The following SEL1L3 variants were observed in gnomAD, a reference collection of about 807,000 sequenced individuals.
The protein encoded by SEL1L3 is protein sel-1 homolog 3.
SEL1L3 carries 76 observed loss-of-function variants against 142.8 expected under a neutral mutation model. That is an observed-to-expected ratio of 0.53 (90% CI 0.44 to 0.64). The LOEUF is 0.64. Ranked by LOEUF, SEL1L3 falls within the 30% of genes least tolerant of loss-of-function variation. The pLI, the probability that SEL1L3 is intolerant of heterozygous loss-of-function variation, is 0.00. For missense variants in SEL1L3, 1,262 were observed against 1,381.7 expected (o/e 0.91, Z 1.37); for synonymous variants, 504 against 519.6 (o/e 0.97, Z 0.41).
downstream of SEL1L3, among the ~76,000 whole-genome samples, chr4:25,744,498 C>T (rs1222001986): frequency 2.0e-5 from 3 of 151,894 alleles, no homozygotes; most frequent in Non-Finnish European, 4.4e-5. Context: ...GGATTAGAGG[C>T]GTGCACCACC....
chr4:25,754,081 T>A (rs1245251634), intron 23 of SEL1L3, among the ~76,000 whole-genome samples: 1 of 151,844 alleles, frequency 6.6e-6, no homozygotes, highest in African/African-American at 2.4e-5. Flanking sequence ...GGTGGGTGGA[T>A]CACCTGAGGT....
rs1297792194 is a variant in SEL1L3, at chr4:25,788,568, TCGTGTGTGTGTG to T, written c.2077-216_2077-205del. ...GCCCTTAATGCAAGCCAGAAATGGT[TCGTGTGTGTGTG>T]TGTGTGTGTGTGTGTGTGTGTGTGT... On this transcript the variant is annotated intron_variant, in intron 12 of 23. Transcript: ENST00000399878. This position sits in a 1 kb window ranked among gnomAD's most constrained non-coding sequence, Gnocchi z 5.3. Among the ~76,000 whole-genome samples, 2 of 117,942 alleles carry T rather than the reference TCGTGTGTGTGTG, an allele frequency of 1.7e-5. No homozygotes were observed. The highest frequency in any genetic ancestry group is 6.8e-5 in the African/African-American group (2 of 29,404). The allele number at this position is 117,942 out of a possible 152,430, so 77.4% of individuals were successfully genotyped here. A position where few individuals can be genotyped will look rare whatever the true frequency, so the allele number is the denominator to read the frequency against.
intron 8 of SEL1L3, 30 bp from the exon 9 acceptor site, chr4:25,818,308 C>T (rs1577652719): frequency 6.4e-7 from 1 of 1,569,448 alleles, no homozygotes; most frequent in Admixed American, 1.9e-5. Flanking sequence ...GAAGATATCA[C>T]ACCCTTTAGC....
At chr4:25,818,537 T>C (rs1714547402) in intron 8 of SEL1L3, among the ~76,000 whole-genome samples, 1 of 152,004 alleles carries the variant, frequency 6.6e-6, no homozygotes, top group South Asian at 2.1e-4. Flanking sequence ...CTCTGACCGG[T>C]CCCCAGGAGG....
intron 1 of SEL1L3, among the ~76,000 whole-genome samples, chr4:25,855,233 C>T (rs1717173703): frequency 6.6e-6 from 1 of 152,202 alleles, no homozygotes; most frequent in Admixed American, 6.5e-5. Context: ...CTGTTTCCTG[C>T]CAGGAAAATA....
intron 23 of SEL1L3, among the ~76,000 whole-genome samples, chr4:25,749,962 C>G (rs577666290): frequency 6.6e-6 from 1 of 151,802 alleles, no homozygotes; most frequent in African/African-American, 2.4e-5. Flanking sequence ...GGCCGGGCGC[C>G]GTGGCTCACG....
chr4:25,855,499 T>A (rs1577704032), intron 1 of SEL1L3, among the ~76,000 whole-genome samples: 1 of 152,138 alleles, frequency 6.6e-6, no homozygotes, highest in Non-Finnish European at 1.5e-5. Context: ...CTCATGCCTG[T>A]AATCCCAGCA....
At chr4:25,862,612 C>T (rs868329075) in intron 1 of SEL1L3, 63 bp downstream of exon 1, 7 of 944,106 alleles carry the variant, frequency 7.4e-6, no homozygotes, top group East Asian at 3.7e-5. Context: ...TCCCCGGCCG[C>T]CCCCACCCGC....
rs1417006680 is a variant in SEL1L3, at chr4:25,757,525, A to C, written c.3259+9T>G. On this transcript the variant is annotated intron_variant, in intron 23 of 23. Transcript: ENST00000399878. ...TAATATATTGCTTTCGCTTTTTATA[A>C]ATCTTTACCTGAGACAGACTGGAAA... The C allele has an allele frequency of 2.6e-6, 4 of 1,513,806 alleles. No individual in the cohort carries two copies. In the East Asian group the frequency reaches 9.8e-5, roughly 37 times the overall value. The allele number at this position is 1,513,806 out of a possible 1,614,324, so 93.8% of individuals were successfully genotyped here.
chr4:25,789,112 G>A (rs1712088099), intron 12 of SEL1L3, among the ~76,000 whole-genome samples: 1 of 152,148 alleles, frequency 6.6e-6, no homozygotes, highest in Non-Finnish European at 1.5e-5. Context: ...CAGGAACGTG[G>A]CCAGAGCAAC....
At chr4:25,799,685 A>G (rs1381359407) in intron 11 of SEL1L3, among the ~76,000 whole-genome samples, 1 of 152,146 alleles carries the variant, frequency 6.6e-6, no homozygotes, top group Non-Finnish European at 1.5e-5. Context: ...GGAGGATCCA[A>G]GATGACTCCC....
downstream of SEL1L3, among the ~76,000 whole-genome samples, chr4:25,744,003 G>C (rs537053770): frequency 1.1e-4 from 16 of 152,316 alleles, no homozygotes; most frequent in Non-Finnish European, 2.1e-4. Context: ...ATACAGCCTT[G>C]AGAAATCCCC....
At chr4:25,728,786 T>C in the SEL1L3 span, among the ~76,000 whole-genome samples, 2 of 151,164 alleles carry the variant, frequency 1.3e-5, no homozygotes, top group African/African-American at 4.9e-5. Flanking sequence ...GGCAGAAGAA[T>C]TGCTTGAGCC....
intron 6 of SEL1L3, among the ~76,000 whole-genome samples, chr4:25,829,131 C>T (rs144457363): frequency 2.6e-5 from 4 of 152,280 alleles, no homozygotes; most frequent in Non-Finnish European, 5.9e-5. Flanking sequence ...CGCCACCACG[C>T]TAGGCTTATT....
intron 23 of SEL1L3, 34 bp downstream of exon 23, chr4:25,757,500 T>TA: frequency 9.0e-7 from 1 of 1,114,308 alleles, no homozygotes; most frequent in South Asian, 1.6e-5. Context: ...TTTTTTTTTT[T>TA]AATATATTGC....
chr4:25,861,953 A>G (rs1717737130), intron 1 of SEL1L3: 2 of 152,212 alleles, frequency 1.3e-5, no homozygotes, highest in Non-Finnish European at 2.9e-5. Context: ...TTAGTTGATG[A>G]CTAAAACAGA....
At chr4:25,844,395 C>G (rs1477390522) in intron 2 of SEL1L3, among the ~76,000 whole-genome samples, 1 of 152,134 alleles carries the variant, frequency 6.6e-6, no homozygotes, top group Non-Finnish European at 1.5e-5. Context: ...ATGGAGCTCC[C>G]CACCATTTTC....
In SEL1L3 at chr4:25,747,850, A is replaced by G. The variant is rs1717339307; in HGVS notation, c.*575T>C. The G allele has an allele frequency of 6.5e-6, 1 of 152,762 alleles. No homozygotes were observed. The highest frequency in any genetic ancestry group is 1.5e-5 in the Non-Finnish European group (1 of 68,142). The allele number at this position is 152,762 out of a possible 1,614,324, so 9.5% of individuals were successfully genotyped here. ...ACCCTAGAAAAATTCAAGGAGAAAA[A>G]TGTAAACCAATTTACAAAGCTATTG... On this transcript the variant is annotated 3_prime_UTR_variant, in exon 24 of 24. Coordinates refer to ENST00000399878, the MANE Select transcript of SEL1L3 (RefSeq NM_015187.5).
chr4:25,841,029 T>G (rs896491636), intron 2 of SEL1L3, among the ~76,000 whole-genome samples: 4 of 152,084 alleles, frequency 2.6e-5, no homozygotes, highest in Admixed American at 6.5e-5. Flanking sequence ...TTTTTTTTTT[T>G]TCCTTCTTCT....
Sources: allele counts gnomAD v4.1 joint callset (sites outside exome capture counted in the v4.1 genomes callset), GRCh38; gene constraint gnomAD v4.1.1; non-coding constraint Gnocchi (gnomAD v3.1); transcripts MANE v1.5; gene names NCBI Gene and HGNC (gene_info 2026-07-23, HGNC 2026-07-21).